ZHX2: variants seen among roughly 807,000 people sequenced by gnomAD.
The protein encoded by ZHX2 is zinc fingers and homeoboxes 2.
ZHX2 carries 6 observed loss-of-function variants against 21.9 expected under a neutral mutation model. The observed-to-expected ratio is 0.27, with a 90% CI of 0.15 to 0.54. The LOEUF (loss-of-function observed/expected upper bound fraction) is 0.54. ZHX2 is among the 20% of genes least tolerant of loss of function. The pLI, the probability that ZHX2 is intolerant of heterozygous loss-of-function variation, is 0.95. For missense variants in ZHX2, 908 were observed against 1,090.7 expected, an observed-to-expected ratio of 0.83 and a Z score of 2.36; for synonymous variants, 434 against 437.1, an observed-to-expected ratio of 0.99 and a Z score of 0.09.
chr8:122,927,320 C>T (rs34484272), intron 2 of ZHX2, among the ~76,000 whole-genome samples: 42,748 of 151,950 alleles, frequency 0.28, 6,892 homozygotes, highest in African/African-American at 0.45. Flanking sequence ...CATGGTGAAA[C>T]GCCGTCTCTA....
intron 2 of ZHX2, among the ~76,000 whole-genome samples, chr8:122,868,654 T>A (rs1256727589): frequency 1.4e-5 from 2 of 140,554 alleles, no homozygotes; most frequent in African/African-American, 5.4e-5. Flanking sequence ...TGAGCCGAGA[T>A]CGCGCCACTG....
At chr8:122,907,387 T>C (rs1357527201) in intron 2 of ZHX2, among the ~76,000 whole-genome samples, 1 of 152,076 alleles carries the variant, frequency 6.6e-6, no homozygotes, top group Non-Finnish European at 1.5e-5. Context: ...AGGCCACAGA[T>C]AGGTGAGACA....
At chr8:122,957,582 C>G (rs1813341196) in intron 3 of ZHX2, among the ~76,000 whole-genome samples, 3 of 152,192 alleles carry the variant, frequency 2.0e-5, no homozygotes, top group Admixed American at 6.5e-5. Flanking sequence ...ATTCTCCTGC[C>G]TCAGCCTTCC....
At chr8:122,900,577 C>A (rs1312059518) in intron 2 of ZHX2, among the ~76,000 whole-genome samples, 2 of 152,154 alleles carry the variant, frequency 1.3e-5, no homozygotes, top group East Asian at 3.9e-4. Context: ...GTTGCAGTGA[C>A]TTCTGCTCCT....
intron 1 of ZHX2, among the ~76,000 whole-genome samples, chr8:122,860,838 T>G (rs1819148229): frequency 6.6e-6 from 1 of 151,858 alleles, no homozygotes; most frequent in African/African-American, 2.4e-5. Flanking sequence ...ATCGAGGCCA[T>G]CCTGGTCAAC....
At position 122,882,318 on chromosome 8, in the gene ZHX2, G is replaced by C. The variant is rs991352513; in HGVS notation, c.-220+18779G>C. ...TGTTCTTCAAACACACACACACAGA[G>C]AGAGAGAGAGAGAGAGAGAGACAGC... On this transcript the variant is annotated intron_variant, in intron 2 of 3. Transcript: ENST00000314393. Among the ~76,000 whole-genome samples, 351 of 150,946 alleles carry C rather than the reference G, an allele frequency of 2.3e-3. 1 individual carries two copies. Among genetic ancestry groups the C allele is most frequent in the African/African-American group, 8.0e-3 (329 of 41,312 alleles).
chr8:122,972,178 G>T (rs1229065337), intron 3 of ZHX2, among the ~76,000 whole-genome samples: 1 of 152,124 alleles, frequency 6.6e-6, no homozygotes, highest in Admixed American at 6.5e-5. Context: ...CACTAGTCAT[G>T]TTGGATTAGA....
chr8:122,808,786 C>T (rs546893951), intron 1 of ZHX2: 1 of 152,324 alleles, frequency 6.6e-6, no homozygotes, highest in African/African-American at 2.4e-5. Context: ...AGTGACCTGT[C>T]AGATTACCAA....
intron 1 of ZHX2, among the ~76,000 whole-genome samples, chr8:122,851,560 C>T (rs1233170398): frequency 6.6e-6 from 1 of 152,190 alleles, no homozygotes; most frequent in Admixed American, 6.5e-5. Context: ...CCCATTACAC[C>T]CAAGCTCCAT....
At chr8:122,923,481 T>C (rs748905493) in intron 2 of ZHX2, among the ~76,000 whole-genome samples, 8 of 152,200 alleles carry the variant, frequency 5.3e-5, no homozygotes, top group Non-Finnish European at 1.0e-4. Context: ...CTGTCATAGA[T>C]TCACTTCCAC....
chr8:122,971,426 G>A (rs541647066), intron 3 of ZHX2, among the ~76,000 whole-genome samples: 1 of 151,584 alleles, frequency 6.6e-6, no homozygotes, highest in South Asian at 2.1e-4. Flanking sequence ...CCTGGAATCT[G>A]GTTTTATCTG....
chr8:122,843,309 T>A (rs557553013), intron 1 of ZHX2, among the ~76,000 whole-genome samples: 75 of 152,218 alleles, frequency 4.9e-4, no homozygotes, highest in Non-Finnish European at 1.0e-3. Flanking sequence ...TTGTTACAAA[T>A]GTGATCAGGA....
At position 122,951,187 on chromosome 8, in the gene ZHX2, G is replaced by A. The variant is rs1029761266; in HGVS notation, c.-219-105G>A. ...GCCGTCTGTGCATCCATAGATGTTC[G>A]ATTTGGGTGCCTGTTGGGCTGGGTC... is the stretch of plus-strand genomic sequence containing the variant. On this transcript the variant is annotated intron_variant, in intron 2 of 3. Transcript: ENST00000314393. 2.9e-5 allele frequency: 8 copies of A among 271,200 alleles called. No individual in the cohort carries two copies. In the East Asian group the frequency reaches 4.0e-4, roughly 13 times the overall value. 16.8% of individuals were successfully genotyped at this position (271,200 alleles called of 1,614,324 possible).
chr8:122,943,233 G>A (rs910453978), intron 2 of ZHX2, among the ~76,000 whole-genome samples: 3 of 152,024 alleles, frequency 2.0e-5, no homozygotes, highest in Non-Finnish European at 4.4e-5. Context: ...CTGCACTCCA[G>A]CCTGGGCAAA....
At chr8:122,875,886 AC>A (rs2129737464) in intron 2 of ZHX2, among the ~76,000 whole-genome samples, 1 of 152,196 alleles carries the variant, frequency 6.6e-6, no homozygotes, top group East Asian at 1.9e-4. Context: ...TTCTTCCCTG[AC>A]CCCTTTTCCC....
At chr8:122,969,310 G>A (rs190239388) in intron 3 of ZHX2, among the ~76,000 whole-genome samples, 1 of 152,222 alleles carries the variant, frequency 6.6e-6, no homozygotes, top group African/African-American at 2.4e-5. Flanking sequence ...ACTTCTGGAG[G>A]TATGTTGTAC....
rs1346050191 is a variant in ZHX2 at position 122,839,732 on chromosome 8, TTTTG to T, written c.-282-23741_-282-23738del. Among the ~76,000 whole-genome samples the T allele has an allele frequency of 2.0e-5, 3 of 152,148 alleles. No homozygotes were observed. In the East Asian group the frequency reaches 5.8e-4, roughly 29 times the overall value. On this transcript the variant is annotated intron_variant, in intron 1 of 3. Coordinates refer to ENST00000314393, the MANE Select transcript of ZHX2 (RefSeq NM_014943.5). ...TGGCATGGGATCGTGGGGGGTTTGG[TTTTG>T]TTTTTGCTTCGGGCTGCAATTGGAT...
chr8:122,928,591 G>A (rs1321617141), intron 2 of ZHX2, among the ~76,000 whole-genome samples: 1 of 152,192 alleles, frequency 6.6e-6, no homozygotes, highest in Non-Finnish European at 1.5e-5. Context: ...CAGGCACAGG[G>A]CAAATTGGGA....
intron 3 of ZHX2, among the ~76,000 whole-genome samples, chr8:122,964,700 G>A (rs1020201824): frequency 5.5e-5 from 7 of 127,452 alleles, no homozygotes; most frequent in African/African-American, 1.9e-4. Flanking sequence ...TTTTGCAATA[G>A]TTTCAGTAGG....
Sources: gnomAD v4.1 joint callset for allele counts (sites outside exome capture counted in the v4.1 genomes callset) on GRCh38, gnomAD v4.1.1 for gene constraint, MANE v1.5 for transcripts, NCBI Gene and HGNC (gene_info 2026-07-23, HGNC 2026-07-21) for gene names.